The following CPM variants were observed in gnomAD, a reference collection of about 807,000 sequenced individuals.
CPM encodes renal carboxypeptidase.
CPM carries 35 observed loss-of-function variants against 46.4 expected under a neutral mutation model. The ratio of observed to expected loss-of-function variants is 0.75; its 90% CI spans 0.58 to 1.00. The LOEUF (loss-of-function observed/expected upper bound fraction) is 1.00. Ranked by LOEUF, CPM falls within the 50% of genes least tolerant of loss-of-function variation. The pLI, the probability that CPM is intolerant of heterozygous loss-of-function variation, is 0.00. For synonymous variants in CPM, 195 were observed against 195.3 expected (o/e 1.00, Z 0.01); for missense variants, 422 against 530.4 (o/e 0.80, Z 2.01).
At position 68,853,873 on chromosome 12, in the gene CPM, TCTG is replaced by T. The variant is rs921390972; in HGVS notation, c.*2561_*2563del. On this transcript the variant is annotated 3_prime_UTR_variant, in exon 9 of 9. Coordinates refer to ENST00000551568, the MANE Select transcript of CPM (RefSeq NM_198320.5). Reference sequence around the variant, plus strand: ...AGAAGGAAGGAAGAAAGGAAAGAAATCTGCTCACCAGAGTTGCTATTTTTTTTT... The same window carrying T: ...AGAAGGAAGGAAGAAAGGAAAGAAATCTCACCAGAGTTGCTATTTTTTTTT... The T allele has an allele frequency of 3.3e-5, 5 of 151,434 alleles. No individual in the cohort carries two copies. Among genetic ancestry groups the T allele is most frequent in the African/African-American group, 1.2e-4 (5 of 41,212 alleles). The allele number at this position is 151,434 out of a possible 1,614,324, so 9.4% of individuals were successfully genotyped here.
chr12:68,940,867 TA>T (rs1354185872), intron 1 of CPM, among the ~76,000 whole-genome samples: 1 of 152,160 alleles, frequency 6.6e-6, no homozygotes, highest in Non-Finnish European at 1.5e-5. Context: ...ATTACCATCT[TA>T]ACTGTTTCTA....
chr12:68,887,776 G>A (rs1886496573), intron 2 of CPM, among the ~76,000 whole-genome samples: 1 of 152,094 alleles, frequency 6.6e-6, no homozygotes, highest in African/African-American at 2.4e-5. Flanking sequence ...TACTGTTGTG[G>A]GCATAGAATA....
chr12:68,953,441 C>T (rs1888967539), intron 1 of CPM, among the ~76,000 whole-genome samples: 1 of 152,280 alleles, frequency 6.6e-6, no homozygotes, highest in South Asian at 2.1e-4. Flanking sequence ...TCTGACAGTC[C>T]TATATCCCTG....
upstream of CPM, among the ~76,000 whole-genome samples, chr12:68,936,566 T>C (rs965726523): frequency 3.9e-5 from 6 of 152,068 alleles, no homozygotes; most frequent in Non-Finnish European, 7.4e-5. Context: ...GTATTTTTAG[T>C]AGAGACGGGG....
At position 68,870,468 on chromosome 12, in the gene CPM, C is replaced by G. The variant is rs1469432825; in HGVS notation, c.432-69G>C. The G allele has an allele frequency of 2.1e-6, 3 of 1,422,754 alleles. No homozygotes were observed. The African/African-American group carries it at 4.3e-5, about 20-fold the overall frequency. The allele number at this position is 1,422,754 out of a possible 1,614,324, so 88.1% of individuals were successfully genotyped here. A position where few individuals can be genotyped will look rare whatever the true frequency, so the allele number is the denominator to read the frequency against. ...GGGAGTGGATTCTTACAGTGTCTTGCCCTTTGGTTTAGGCTCCAGGTGTCT... is the reference window on the plus strand; with the variant it reads ...GGGAGTGGATTCTTACAGTGTCTTGGCCTTTGGTTTAGGCTCCAGGTGTCT... On this transcript the variant is annotated intron_variant, in intron 4 of 8. Transcript: ENST00000551568.
chr12:68,860,140 C>G (rs567494991), intron 7 of CPM, among the ~76,000 whole-genome samples: 1 of 152,330 alleles, frequency 6.6e-6, no homozygotes, highest in South Asian at 2.1e-4. Flanking sequence ...CAACAAACTT[C>G]TATCTGACCT....
chr12:68,882,822 G>A (rs1032630746), intron 3 of CPM, among the ~76,000 whole-genome samples: 1 of 152,016 alleles, frequency 6.6e-6, no homozygotes, highest in Non-Finnish European at 1.5e-5. Flanking sequence ...AGTGTTGTTA[G>A]ACACTTTTTC....
At chr12:68,896,284 C>T (rs1342982122) in intron 2 of CPM, among the ~76,000 whole-genome samples, 4 of 152,196 alleles carry the variant, frequency 2.6e-5, no homozygotes, top group African/African-American at 9.7e-5. Flanking sequence ...GCCCCATCCC[C>T]TACCACCCTA....
chr12:68,864,100 G>C (rs971857919), intron 7 of CPM, among the ~76,000 whole-genome samples: 2 of 152,188 alleles, frequency 1.3e-5, no homozygotes, highest in Non-Finnish European at 2.9e-5. Context: ...TTTTGAGTGA[G>C]TTGTTTGCAT....
At chr12:68,883,062 A>T (rs1325600034) in intron 3 of CPM, among the ~76,000 whole-genome samples, 1 of 152,162 alleles carries the variant, frequency 6.6e-6, no homozygotes, top group African/African-American at 2.4e-5. Flanking sequence ...CCCATTTTAA[A>T]AATAGTGTGG....
intron 2 of CPM, among the ~76,000 whole-genome samples, chr12:68,888,727 C>T (rs1488625261): frequency 6.6e-6 from 1 of 152,200 alleles, no homozygotes; most frequent in Non-Finnish European, 1.5e-5. Context: ...CAGCCACTCT[C>T]TCTCCACCAC....
chr12:68,848,038 A>G (rs1419430316), downstream of CPM: 1 of 152,242 alleles, frequency 6.6e-6, no homozygotes, highest in African/African-American at 2.4e-5. Context: ...CTGAGGTGGG[A>G]GGATCACTTG....
At chr12:68,905,034 G>C (rs531533897) in intron 2 of CPM, among the ~76,000 whole-genome samples, 1 of 151,766 alleles carries the variant, frequency 6.6e-6, no homozygotes, top group Non-Finnish European at 1.5e-5. Context: ...TCAGCCTCCC[G>C]AGTAGCTGGA....
rs145159503 is a variant in CPM at position 68,892,720 on chromosome 12, G to A, written c.161-6831C>T. Among the ~76,000 whole-genome samples, 65 of 152,186 alleles carry A rather than the reference G, an allele frequency of 4.3e-4. No individual in the cohort carries two copies. The East Asian group carries it at 0.011, about 26-fold the overall frequency. On this transcript the variant is annotated intron_variant, in intron 2 of 8. Transcript: ENST00000551568. ...ACTAAAAATACAAAATTAGCTGGGC[G>A]TGGTGGTACATGCCTGTAATCCCAG...
chr12:68,898,000 C>T (rs932107764), intron 2 of CPM, among the ~76,000 whole-genome samples: 3 of 151,288 alleles, frequency 2.0e-5, no homozygotes, highest in Non-Finnish European at 2.9e-5. Flanking sequence ...TGGACCACTA[C>T]GCCTGGCTAA....
intron 3 of CPM, among the ~76,000 whole-genome samples, chr12:68,880,227 T>C (rs1886132687): frequency 6.6e-6 from 1 of 152,188 alleles, no homozygotes; most frequent in Non-Finnish European, 1.5e-5. Flanking sequence ...TGTGTGTGCC[T>C]GGATGAACCA....
intron 3 of CPM, among the ~76,000 whole-genome samples, chr12:68,874,414 G>A (rs1036335136): frequency 1.3e-5 from 2 of 151,982 alleles, no homozygotes; most frequent in African/African-American, 4.8e-5. Flanking sequence ...TCAGGAGTTT[G>A]AGACCAGCCT....
At chr12:68,867,640 T>G (rs1176988286) in intron 6 of CPM, among the ~76,000 whole-genome samples, 1 of 152,158 alleles carries the variant, frequency 6.6e-6, no homozygotes, top group Non-Finnish European at 1.5e-5. Flanking sequence ...GGCCAGTAAA[T>G]GACAGACACT....
chr12:68,932,092 T>C (rs2136323683), intron 2 of CPM, among the ~76,000 whole-genome samples: 1 of 152,342 alleles, frequency 6.6e-6, no homozygotes, highest in Admixed American at 6.5e-5. Context: ...AACCACTTTT[T>C]TGCATAACTT....
Sources: gnomAD v4.1 joint callset for allele counts (sites outside exome capture counted in the v4.1 genomes callset) on GRCh38, gnomAD v4.1.1 for gene constraint, MANE v1.5 for transcripts, NCBI Gene and HGNC (gene_info 2026-07-23, HGNC 2026-07-21) for gene names.